MID1: variants seen among roughly 807,000 people sequenced by gnomAD.
The protein encoded by MID1 is midline 1.
MID1 carries 7 observed loss-of-function variants against 40.4 expected under a neutral mutation model. The ratio of observed to expected loss-of-function variants is 0.17; its 90% CI spans 0.10 to 0.33. The LOEUF is 0.33. Ranked by LOEUF, MID1 falls within the 10% of genes least tolerant of loss-of-function variation. The pLI is 1.00. For synonymous variants in MID1, 229 were observed against 221.2 expected, an observed-to-expected ratio of 1.04 and a Z score of -0.31; for missense variants, 367 against 558.5, an observed-to-expected ratio of 0.66 and a Z score of 3.46.
At chrX:10,592,030 A>G (rs142881670) in intron 1 of MID1, among the ~76,000 whole-genome samples, 1,379 of 110,480 alleles carry the variant, frequency 0.012, 11 homozygotes, top group Non-Finnish European at 0.018. Flanking sequence ...AAGTTCTTTC[A>G]TAACTGAGAC....
chrX:10,504,391 G>A (rs779579061), intron 3 of MID1, among the ~76,000 whole-genome samples: 4 of 111,515 alleles, frequency 3.6e-5, no homozygotes, highest in African/African-American at 1.3e-4. Context: ...AGAACTAAAT[G>A]AGTGAAAACA....
At chrX:10,553,856 T>C (rs1335632874) in intron 2 of MID1, among the ~76,000 whole-genome samples, 1 of 112,099 alleles carries the variant, frequency 8.9e-6, no homozygotes, top group Non-Finnish European at 1.9e-5. Flanking sequence ...AGGGAGCCTG[T>C]GTGTCAAAAG....
downstream of MID1, chrX:10,445,535 G>T (rs1451720625): frequency 1.8e-5 from 2 of 112,112 alleles, no homozygotes; most frequent in Admixed American, 9.4e-5. Context: ...AAAGGCAACA[G>T]AGACAGGCAG....
intron 1 of MID1, among the ~76,000 whole-genome samples, chrX:10,594,706 C>T (rs1014324058): frequency 4.5e-5 from 5 of 111,834 alleles, no homozygotes; most frequent in Non-Finnish European, 9.4e-5. Flanking sequence ...CCAATAAATA[C>T]TTATTTTCCT....
At chrX:10,467,212 A>G (rs745640617) in intron 7 of MID1, among the ~76,000 whole-genome samples, 2 of 112,224 alleles carry the variant, frequency 1.8e-5, no homozygotes, top group Non-Finnish European at 3.8e-5. Flanking sequence ...CATAATATTT[A>G]TTGAAAAAAA....
intron 2 of MID1, among the ~76,000 whole-genome samples, chrX:10,563,737 G>A (rs1026627225): frequency 1.8e-5 from 2 of 111,719 alleles, no homozygotes; most frequent in Non-Finnish European, 3.8e-5. Context: ...CATAGTCTCC[G>A]AAAGCGTTAG....
chrX:10,825,014 T>C (rs12015080), intron 1 of MID1, among the ~76,000 whole-genome samples: 3,782 of 111,743 alleles, frequency 0.034, 173 homozygotes, highest in African/African-American at 0.12. Flanking sequence ...GGAACATAAG[T>C]GTTTAGATAA....
chrX:10,621,145 TA>T (rs2147547247), upstream of MID1, among the ~76,000 whole-genome samples: 1 of 111,925 alleles, frequency 8.9e-6, no homozygotes, highest in East Asian at 2.8e-4. Context: ...AATCTTTACC[TA>T]CTGAAGGCCC....
intron 1 of MID1, among the ~76,000 whole-genome samples, chrX:10,615,341 C>T (rs932218858): frequency 6.2e-5 from 7 of 112,005 alleles, no homozygotes; most frequent in Non-Finnish European, 1.3e-4. Context: ...TTAATAATCA[C>T]GTATAATGTG....
chrX:10,775,247 G>C (rs1227225174), intron 1 of MID1, among the ~76,000 whole-genome samples: 4 of 110,521 alleles, frequency 3.6e-5, no homozygotes, highest in Non-Finnish European at 5.7e-5. Flanking sequence ...AGAAGAGAAT[G>C]TGATTGGAAA....
At chrX:10,529,904 A>G (rs779327225) in intron 2 of MID1, among the ~76,000 whole-genome samples, 1 of 112,312 alleles carries the variant, frequency 8.9e-6, no homozygotes, top group Non-Finnish European at 1.9e-5. Context: ...TCTGAAATCC[A>G]ATGTAGTAAA....
chrX:10,730,033 G>A (rs1259672027), intron 1 of MID1, among the ~76,000 whole-genome samples: 2 of 106,388 alleles, frequency 1.9e-5, no homozygotes, highest in Non-Finnish European at 3.9e-5. Context: ...GCAGTGAGCC[G>A]AGATAGTGCC....
intron 1 of MID1, among the ~76,000 whole-genome samples, chrX:10,583,275 G>T (rs1451650942): frequency 8.9e-6 from 1 of 112,320 alleles, no homozygotes; most frequent in Admixed American, 9.4e-5. Flanking sequence ...TACATAAAAT[G>T]AAAGAAATAA....
intron 1 of MID1, among the ~76,000 whole-genome samples, chrX:10,617,362 T>A (rs769219422): frequency 1.1e-3 from 129 of 112,191 alleles, no homozygotes; most frequent in Admixed American, 2.3e-3. Context: ...AGACTTTCAT[T>A]ATTAAGCCAG....
chrX:10,811,137 T>G (rs2044097286), intron 1 of MID1, among the ~76,000 whole-genome samples: 1 of 111,852 alleles, frequency 8.9e-6, no homozygotes, highest in Non-Finnish European at 1.9e-5. Context: ...AATGTCATCA[T>G]CTTTTCAGTG....
intron 9 of MID1, among the ~76,000 whole-genome samples, chrX:10,452,611 A>C (rs1415460398): frequency 1.8e-5 from 2 of 112,450 alleles, no homozygotes; most frequent in Non-Finnish European, 3.8e-5. Flanking sequence ...GCAAGTCAAG[A>C]TGTCACAGGC....
At chrX:10,489,000 T>C (rs1489391151) in intron 4 of MID1, among the ~76,000 whole-genome samples, 2 of 111,193 alleles carry the variant, frequency 1.8e-5, no homozygotes, top group East Asian at 5.6e-4. Flanking sequence ...ATTAGTTCTG[T>C]CGCTCTAGAG....
At chrX:10,483,541 G>A (rs746544694) in intron 4 of MID1, among the ~76,000 whole-genome samples, 5 of 112,180 alleles carry the variant, frequency 4.5e-5, no homozygotes, top group Middle Eastern at 9.2e-3. Flanking sequence ...AAATTAGACA[G>A]CTAATTGGAA....
chrX:10,520,864 T>C (rs1932669481), intron 3 of MID1, among the ~76,000 whole-genome samples: 1 of 111,064 alleles, frequency 9.0e-6, no homozygotes, highest in African/African-American at 3.3e-5. Flanking sequence ...AACTGGTACA[T>C]GAAAGAATGA....
Sources: allele counts gnomAD v4.1 joint callset (sites outside exome capture counted in the v4.1 genomes callset), GRCh38; gene constraint gnomAD v4.1.1; transcripts MANE v1.5; gene names NCBI Gene and HGNC (gene_info 2026-07-23, HGNC 2026-07-21).